Variants in PRH1 observed in about 807,000 individuals in gnomAD.
PRH1 encodes the protein salivary acidic proline-rich phosphoprotein 1/2.
In PRH1, 7 loss-of-function variants were observed where a neutral mutation model predicts 7.9. The observed-to-expected ratio is 0.89, with a 90% CI of 0.50 to 1.67. The LOEUF is 1.67. PRH1 is among the 40% of genes most tolerant of loss of function. PRH1 has a pLI of 0.00. For synonymous variants in PRH1, 45 were observed against 80.8 expected (o/e 0.56, Z 2.38); for missense variants, 109 against 223.6 (o/e 0.49, Z 3.27).
Position 11,148,499 on chromosome 12 carries a change from G to A in PRH1, n.39+22923C>T, listed in dbSNP as rs1370373645. Among the ~76,000 whole-genome samples, 9 of 146,764 alleles carry A rather than the reference G, an allele frequency of 6.1e-5. No homozygotes were observed. The South Asian group carries it at 1.9e-3, about 32-fold the overall frequency. On this transcript the variant is annotated intron_variant and non_coding_transcript_variant, in intron 1 of 1. Transcript: ENST00000541175. The stretch of plus-strand genomic sequence containing the variant: ...TTTATTGAGAGTTTTTAGCGTGAAG[G>A]TTGTTGAATTTTGTCAAAGGCCTTT...
intron 2 of PRH1, chr12:10,908,262 T>C: frequency 1.3e-6 from 1 of 784,784 alleles, no homozygotes; most frequent in Non-Finnish European, 2.0e-6. Context: ...ACATTTACAG[T>C]GACCTTCACA....
At chr12:11,063,036 G>C (rs1175095839) in intron 1 of PRH1, among the ~76,000 whole-genome samples, 7 of 151,970 alleles carry the variant, frequency 4.6e-5, no homozygotes, top group African/African-American at 1.7e-4. Context: ...GGTTGTCTAG[G>C]TGAAGTTAGT....
rs71051560 is a variant in PRH1 at position 11,054,795 on chromosome 12, CTTTTTTTTTTTTT to C, written n.124-7620_124-7608del. Among the ~76,000 whole-genome samples the C allele has an allele frequency of 1.5e-3, 80 of 52,800 alleles. No individual in the cohort carries two copies. In the East Asian group the frequency reaches 0.049, roughly 32 times the overall value. The allele number at this position is 52,800 out of a possible 152,430, so 34.6% of individuals were successfully genotyped here. ...TACAGATGCTCAGAATCTGATGTTT[CTTTTTTTTTTTTT>C]TTTTTTTTTTTTGAGACGGAGTCTT... On this transcript the variant is annotated intron_variant and non_coding_transcript_variant, in intron 1 of 4. Transcript: ENST00000541977.
chr12:10,934,264 A>G (rs946579408), intron 2 of PRH1, among the ~76,000 whole-genome samples: 3 of 152,132 alleles, frequency 2.0e-5, no homozygotes, highest in African/African-American at 7.2e-5. Flanking sequence ...AAGAGTTTGC[A>G]GCTCTGGCTT....
At chr12:11,121,868 C>T (rs1426589654) in intron 1 of PRH1, among the ~76,000 whole-genome samples, 2 of 152,032 alleles carry the variant, frequency 1.3e-5, no homozygotes, top group Non-Finnish European at 2.9e-5. Context: ...GATGTTCAAA[C>T]AATGATAGTT....
At chr12:11,046,702 A>G (rs1200682107) in intron 1 of PRH1, among the ~76,000 whole-genome samples, 2 of 152,124 alleles carry the variant, frequency 1.3e-5, no homozygotes, top group Non-Finnish European at 2.9e-5. Context: ...TATAAAAAGT[A>G]TCTGTGGGAG....
intron 1 of PRH1, among the ~76,000 whole-genome samples, chr12:11,146,375 T>C (rs958843405): frequency 1.3e-5 from 2 of 152,156 alleles, no homozygotes; most frequent in African/African-American, 2.4e-5. Context: ...CATGTATACC[T>C]GAATTTGGCA....
intron 1 of PRH1, among the ~76,000 whole-genome samples, chr12:11,067,182 AC>A (rs1160389626): frequency 6.7e-5 from 1 of 14,870 alleles, no homozygotes; most frequent in Non-Finnish European, 5.8e-4. Flanking sequence ...TTATACCTTA[AC>A]AAATTTGCCT....
intron 2 of PRH1, among the ~76,000 whole-genome samples, chr12:10,923,990 G>T (rs372130697): frequency 1.2e-3 from 105 of 89,408 alleles, no homozygotes; most frequent in East Asian, 2.6e-3. Flanking sequence ...TTCTCCATCT[G>T]TTTTTTTTTT....
chr12:10,909,217 C>G, intron 2 of PRH1: 1 of 1,613,638 alleles, frequency 6.2e-7, no homozygotes. Flanking sequence ...TTGATCAGTA[C>G]TATAAATCCA....
intron 1 of PRH1, among the ~76,000 whole-genome samples, chr12:11,039,940 T>C (rs1021908198): frequency 2.0e-5 from 3 of 152,238 alleles, no homozygotes; most frequent in African/African-American, 7.2e-5. Flanking sequence ...ATAGCCCTGC[T>C]TTTCCACTTG....
chr12:10,893,711 C>T (rs921121334), intron 2 of PRH1, among the ~76,000 whole-genome samples: 15 of 152,112 alleles, frequency 9.9e-5, no homozygotes, highest in African/African-American at 2.7e-4. Context: ...TTTGTTCTAT[C>T]GATTACCATA....
chr12:11,047,049 T>A (rs779660819), exon 1 of PRH1: 1 of 508,632 alleles, frequency 2.0e-6, no homozygotes, highest in Non-Finnish European at 4.1e-6. Flanking sequence ...TCTATTCCCC[T>A]CCACATCCAA....
At chr12:11,163,141 A>T (rs926493216) in intron 1 of PRH1, among the ~76,000 whole-genome samples, 5 of 152,218 alleles carry the variant, frequency 3.3e-5, no homozygotes, top group African/African-American at 1.2e-4. Context: ...TGGAACAATT[A>T]CAGAGAATAT....
intron 1 of PRH1, chr12:11,021,783 A>T (rs199776344): frequency 1.0e-4 from 161 of 1,614,142 alleles, no homozygotes; most frequent in Non-Finnish European, 1.3e-4. Context: ...CAGTTTGGCA[A>T]AGCAGGAGTA....
chr12:10,991,246 T>A (rs976732976), intron 1 of PRH1, among the ~76,000 whole-genome samples: 1 of 152,202 alleles, frequency 6.6e-6, no homozygotes, highest in Non-Finnish European at 1.5e-5. Flanking sequence ...AATTAATTGA[T>A]CATAGAGAAA....
chr12:10,922,764 C>T (rs1321577648), intron 2 of PRH1, among the ~76,000 whole-genome samples: 1 of 151,150 alleles, frequency 6.6e-6, no homozygotes, highest in African/African-American at 2.4e-5. Flanking sequence ...TATCTATTTA[C>T]GTAATGCATT....
At chr12:11,045,061 T>C (rs1942854937) in intron 1 of PRH1, among the ~76,000 whole-genome samples, 1 of 152,126 alleles carries the variant, frequency 6.6e-6, no homozygotes, top group Non-Finnish European at 1.5e-5. Context: ...AACCTGAGTG[T>C]CCAGCAACAG....
At chr12:10,919,886 T>C (rs1434102484) in intron 2 of PRH1, among the ~76,000 whole-genome samples, 3 of 146,808 alleles carry the variant, frequency 2.0e-5, no homozygotes, top group African/African-American at 4.9e-5. Flanking sequence ...TCTCAAAAAA[T>C]ATTAAAAAAA....
Sources: allele counts gnomAD v4.1 joint callset (sites outside exome capture counted in the v4.1 genomes callset), GRCh38; gene constraint gnomAD v4.1.1; transcripts MANE v1.5; gene names NCBI Gene and HGNC (gene_info 2026-07-23, HGNC 2026-07-21).